The following CLASP1 variants were observed in gnomAD, a reference collection of about 807,000 sequenced individuals.
CLASP1 encodes the protein cytoplasmic linker associated protein 1, also known as CLIP-associating protein 1.
CLASP1 carries 38 observed loss-of-function variants against 192.3 expected under a neutral mutation model. The observed-to-expected ratio is 0.20, with a 90% CI of 0.15 to 0.26. The LOEUF is 0.26. Among genes scored for constraint, CLASP1 ranks in the 10% least tolerant of loss-of-function variants. CLASP1 has a pLI of 1.00. For missense variants in CLASP1, 1,433 were observed against 1,932.5 expected, an observed-to-expected ratio of 0.74 and a Z score of 4.85; for synonymous variants, 691 against 712.8, an observed-to-expected ratio of 0.97 and a Z score of 0.49.
At chr2:121,619,758 TCTC>T (rs1383759027) in intron 1 of CLASP1, among the ~76,000 whole-genome samples, 1 of 152,226 alleles carries the variant, frequency 6.6e-6, no homozygotes. Context: ...TTCTATTTTT[TCTC>T]CTCCTGTGGT....
intron 33 of CLASP1, among the ~76,000 whole-genome samples, chr2:121,381,883 C>G (rs150399936): frequency 6.6e-6 from 1 of 152,316 alleles, no homozygotes; most frequent in African/African-American, 2.4e-5. Context: ...CTATTGCCCA[C>G]GCTGACCTCA....
intron 38 of CLASP1, among the ~76,000 whole-genome samples, chr2:121,347,829 C>A (rs1481659660): frequency 6.6e-6 from 1 of 152,188 alleles, no homozygotes; most frequent in African/African-American, 2.4e-5. Flanking sequence ...AGCCAAGTGC[C>A]CAGCAAACAG....
At chr2:121,419,565 TTC>T (rs1461699765) in intron 22 of CLASP1, among the ~76,000 whole-genome samples, 1 of 152,046 alleles carries the variant, frequency 6.6e-6, no homozygotes, top group African/African-American at 2.4e-5. Context: ...GCAAATAACT[TTC>T]TGATTATCTA....
At chr2:121,397,843 T>G (rs1365214660) in intron 29 of CLASP1, among the ~76,000 whole-genome samples, 1 of 152,220 alleles carries the variant, frequency 6.6e-6, no homozygotes, top group African/African-American at 2.4e-5. Flanking sequence ...CAAATTAACA[T>G]ACATCCTCCC....
chr2:121,579,841 G>T (rs967329493), intron 2 of CLASP1, among the ~76,000 whole-genome samples: 1 of 152,038 alleles, frequency 6.6e-6, no homozygotes, highest in African/African-American at 2.4e-5. Flanking sequence ...AACAAAAAAA[G>T]AAAATCTGCA....
intron 7 of CLASP1, among the ~76,000 whole-genome samples, chr2:121,514,875 T>C (rs1231137583): frequency 6.6e-6 from 1 of 152,214 alleles, no homozygotes; most frequent in Non-Finnish European, 1.5e-5. Context: ...TCTCTCTTAG[T>C]AGCTGTGTAA....
At chr2:121,634,786 G>T (rs925370932) in intron 1 of CLASP1, among the ~76,000 whole-genome samples, 1 of 151,796 alleles carries the variant, frequency 6.6e-6, no homozygotes, top group African/African-American at 2.4e-5. Flanking sequence ...GCATTTTTTA[G>T]AGGGCCATCT....
chr2:121,373,302 A>G (rs2069177177), intron 34 of CLASP1, among the ~76,000 whole-genome samples: 1 of 152,182 alleles, frequency 6.6e-6, no homozygotes, highest in African/African-American at 2.4e-5. Context: ...AAGTTTCCTG[A>G]GGCCTCCCCA....
intron 8 of CLASP1, among the ~76,000 whole-genome samples, chr2:121,478,759 A>C (rs1575271520): frequency 7.6e-5 from 5 of 66,052 alleles, no homozygotes; most frequent in Admixed American, 1.7e-4. Flanking sequence ...CACCACACAC[A>C]CACCACACAC....
Position 121,414,638 on chromosome 2 carries a change from A to G in CLASP1, c.2321-3669T>C, listed in dbSNP as rs573240188. On this transcript the variant is annotated intron_variant, in intron 23 of 39. Transcript: ENST00000263710. Reference sequence around the variant, plus strand: ...TTTTATCAGTATGTGATGCATATGCAACCATGCACCAAAAACAAGCATAGA... The same window carrying G: ...TTTTATCAGTATGTGATGCATATGCGACCATGCACCAAAAACAAGCATAGA... Among the ~76,000 whole-genome samples, 5 of 152,360 alleles carry G rather than the reference A, an allele frequency of 3.3e-5. No homozygotes were observed. The East Asian group carries it at 9.6e-4, about 29-fold the overall frequency.
Position 121,623,070 on chromosome 2 carries a change from C to CTA in CLASP1, c.-285-16892_-285-16891dup, listed in dbSNP as rs1014676739. ...AAAACTCCGTCTATATAAACAATAT[C>CTA]TATATATATATAAATTTTAAAAAAT... On this transcript the variant is annotated intron_variant, in intron 1 of 39. Transcript: ENST00000263710. Among the ~76,000 whole-genome samples, 8 of 151,604 alleles carry CTA rather than the reference C, an allele frequency of 5.3e-5. No individual in the cohort carries two copies. In the South Asian group the frequency reaches 8.3e-4, roughly 16 times the overall value.
At chr2:121,444,672 T>A (rs190891410) in intron 19 of CLASP1, among the ~76,000 whole-genome samples, 2 of 151,958 alleles carry the variant, frequency 1.3e-5, no homozygotes, top group Non-Finnish European at 2.9e-5. Flanking sequence ...CTCCCCAGAG[T>A]GTGGACTCAG....
chr2:121,628,878 C>A, intron 1 of CLASP1, among the ~76,000 whole-genome samples: 1 of 145,062 alleles, frequency 6.9e-6, no homozygotes, highest in African/African-American at 2.6e-5. Flanking sequence ...CAGAGCGAGA[C>A]TCCATCTCAA....
chr2:121,425,319 C>T lies in CLASP1; in HGVS notation c.2045-13G>A. ...GACCGGCTGCCAGCTAAAAGTGAAG[C>T]AAAATGACAATGAATAATAGATGTA... On this transcript the variant is annotated splice_polypyrimidine_tract_variant and intron_variant, in intron 21 of 39. Coordinates refer to ENST00000263710, the Ensembl canonical transcript of CLASP1. 1.2e-6 allele frequency: 2 copies of T among 1,608,868 alleles called. No individual in the cohort carries two copies. The highest frequency in any genetic ancestry group is 1.7e-6 in the Non-Finnish European group (2 of 1,178,000).
At chr2:121,376,162 C>G (rs761582925) in intron 34 of CLASP1, among the ~76,000 whole-genome samples, 1 of 152,152 alleles carries the variant, frequency 6.6e-6, no homozygotes, top group Non-Finnish European at 1.5e-5. Flanking sequence ...ACACAACCAA[C>G]AATTCCATTA....
chr2:121,468,218 G>A (rs543049499), intron 9 of CLASP1, among the ~76,000 whole-genome samples: 212 of 152,316 alleles, frequency 1.4e-3, no homozygotes, highest in Non-Finnish European at 2.3e-3. Context: ...GTTGGATAGA[G>A]TGATGCCTCC....
exon 40 of CLASP1, chr2:121,339,656 C>CT (rs2062621918): frequency 6.6e-6 from 1 of 152,270 alleles, no homozygotes; most frequent in African/African-American, 2.4e-5. Context: ...AATGTGTGTT[C>CT]TTTTTAAGTG....
chr2:121,640,844 G>A (rs1192959969), intron 1 of CLASP1, among the ~76,000 whole-genome samples: 1 of 152,170 alleles, frequency 6.6e-6, no homozygotes, highest in Non-Finnish European at 1.5e-5. Flanking sequence ...AAATGTTACT[G>A]TAAGAATTGG....
chr2:121,611,547 G>A (rs1310869486), intron 1 of CLASP1, among the ~76,000 whole-genome samples: 1 of 138,302 alleles, frequency 7.2e-6, no homozygotes, highest in Non-Finnish European at 1.6e-5. Context: ...AGGAGAAAGA[G>A]GAACTGGAGG....
Sources: gnomAD v4.1 joint callset for allele counts (sites outside exome capture counted in the v4.1 genomes callset) on GRCh38, gnomAD v4.1.1 for gene constraint, MANE v1.5 for transcripts, NCBI Gene and HGNC (gene_info 2026-07-23, HGNC 2026-07-21) for gene names.